The following MMP24 variants were observed in gnomAD, a reference collection of about 807,000 sequenced individuals.
The protein encoded by MMP24 is matrix metallopeptidase 24.
MMP24 carries 25 observed loss-of-function variants against 62.8 expected under a neutral mutation model. The ratio of observed to expected loss-of-function variants is 0.40; its 90% CI spans 0.29 to 0.56. MMP24 has a LOEUF of 0.56. Ranked by LOEUF, MMP24 falls within the 20% of genes least tolerant of loss-of-function variation. The pLI is 0.50. For synonymous variants in MMP24, 319 were observed against 350.5 expected (o/e 0.91, Z 1.00); for missense variants, 634 against 853.6 (o/e 0.74, Z 3.21).
At chr20:35,236,830 C>G (rs1190537648) in intron 1 of MMP24, among the ~76,000 whole-genome samples, 1 of 151,868 alleles carries the variant, frequency 6.6e-6, no homozygotes, top group African/African-American at 2.4e-5. Flanking sequence ...AAAAATTAGC[C>G]GGGCATGGTG....
intron 6 of MMP24, 98 bp downstream of exon 6, chr20:35,267,517 A>G (rs2060642603): frequency 7.8e-7 from 1 of 1,279,966 alleles, no homozygotes; most frequent in Non-Finnish European, 1.1e-6. Context: ...TTGGGATTCG[A>G]TTACAATGGG....
At position 35,239,441 on chromosome 20, in the gene MMP24, TG is replaced by T. The variant is rs2060478213; in HGVS notation, c.247-7397del. ...TCTTTTAGCCCTAGCACACAGTACT[TG>T]GTACATAGTAGGTCCTCAATAAATA... On this transcript the variant is annotated intron_variant, in intron 1 of 8. Coordinates refer to ENST00000246186, the MANE Select transcript of MMP24 (RefSeq NM_006690.4). 2.6e-5 allele frequency among the ~76,000 whole-genome samples: 4 copies of T among 152,276 alleles called. No individual in the cohort carries two copies. The South Asian group carries it at 8.3e-4, about 32-fold the overall frequency.
In MMP24 at chr20:35,271,858, T is replaced by A; in HGVS notation, c.1600+23T>A. ...GATGTACGTAAGGGCCGGGCCAGGG[T>A]GGGCATGGGGAGCCGGTTTTATGTG... On this transcript the variant is annotated intron_variant, in intron 8 of 8. Transcript: ENST00000246186. This position sits in a 1 kb window ranked among gnomAD's most constrained non-coding sequence, Gnocchi z 4.0. 6.3e-7 allele frequency: 1 copy of A among 1,595,976 alleles called. No individual in the cohort carries two copies. The highest frequency in any genetic ancestry group is 8.5e-7 in the Non-Finnish European group (1 of 1,172,306).
rs928851782 is a variant in MMP24 at position 35,271,211 on chromosome 20, G to A, written c.1334-358G>A. Among the ~76,000 whole-genome samples, 57 of 152,310 alleles carry A rather than the reference G, an allele frequency of 3.7e-4. No homozygotes were observed. The highest frequency in any genetic ancestry group is 3.5e-3 in the Admixed American group (54 of 15,296). ...GCCAATGCAGAGCTGCCGGTAGGCCGAGGGAGGTCAGGGTTTCTGGCTCTG... is the reference window on the plus strand; with the variant it reads ...GCCAATGCAGAGCTGCCGGTAGGCCAAGGGAGGTCAGGGTTTCTGGCTCTG... On this transcript the variant is annotated intron_variant, in intron 7 of 8. Coordinates refer to ENST00000246186, the MANE Select transcript of MMP24 (RefSeq NM_006690.4). The surrounding 1 kb of genome is among the most constrained non-coding windows in gnomAD (Gnocchi z 4.0).
intron 6 of MMP24, among the ~76,000 whole-genome samples, chr20:35,268,208 C>CTGGA (rs1183557494): frequency 6.6e-6 from 1 of 152,196 alleles, no homozygotes; most frequent in Admixed American, 6.5e-5. Context: ...CATTCAATCA[C>CTGGA]TGGATGAGGA....
At chr20:35,248,035 T>C (rs1215169594) in intron 2 of MMP24, among the ~76,000 whole-genome samples, 4 of 152,114 alleles carry the variant, frequency 2.6e-5, no homozygotes, top group South Asian at 2.1e-4. Context: ...AGAAAAGCCA[T>C]TCACATCATT....
intron 2 of MMP24, among the ~76,000 whole-genome samples, chr20:35,250,136 T>C (rs2060536982): frequency 2.0e-5 from 3 of 152,022 alleles, no homozygotes; most frequent in Admixed American, 1.3e-4. Context: ...GTATCTTTAG[T>C]AGAGATAGGG....
chr20:35,274,418 C>A lies in MMP24; in HGVS notation c.1747C>A (p.Pro583Thr), dbSNP rs1325704985. ...EVERRKERRL[P>T]QDDVDIMVTI... ...GGAGCGGCGGAAGGAGCGGCGGCTG[C>A]CCCAGGACGACGTGGACATCATGGT... The change falls in exon 9 of 9, where the codon CCC becomes ACC. Residue 583 changes from proline to threonine, a missense_variant. Pro to Thr is a conservative substitution (Grantham distance 38, BLOSUM62 -1). This residue lies in a region of MMP24 where 399 missense variants were observed against 530.8 expected (regional missense o/e 0.75). Transcript: ENST00000246186. The surrounding 1 kb of genome is among the most constrained non-coding windows in gnomAD (Gnocchi z 5.1). 6.2e-7 allele frequency: 1 copy of A among 1,613,776 alleles called. No homozygotes were observed. Among genetic ancestry groups the A allele is most frequent in the Non-Finnish European group, 8.5e-7 (1 of 1,179,886 alleles).
At chr20:35,257,548 C>T (rs190271450) in intron 4 of MMP24, among the ~76,000 whole-genome samples, 17 of 152,288 alleles carry the variant, frequency 1.1e-4, no homozygotes, top group East Asian at 7.7e-4. Flanking sequence ...CCAGAGGCAA[C>T]GGGAAGACAC....
At chr20:35,248,422 C>T (rs2060527228) in intron 2 of MMP24, among the ~76,000 whole-genome samples, 1 of 151,574 alleles carries the variant, frequency 6.6e-6, no homozygotes, top group African/African-American at 2.4e-5. Context: ...TCTCCTGCCT[C>T]AGCCTCCCAA....
chr20:35,247,664 A>G (rs570240053), intron 2 of MMP24, among the ~76,000 whole-genome samples: 1 of 152,308 alleles, frequency 6.6e-6, no homozygotes, highest in South Asian at 2.1e-4. Context: ...GGGCAGCCGG[A>G]GGGCAAGAAG....
intron 1 of MMP24, among the ~76,000 whole-genome samples, chr20:35,236,640 TAACCA>T (rs1370237931): frequency 1.3e-5 from 2 of 151,972 alleles, no homozygotes; most frequent in Non-Finnish European, 2.9e-5. Flanking sequence ...CTGGCAGCAA[TAACCA>T]AACGTGGTGG....
chr20:35,242,314 A>G (rs191552271), intron 1 of MMP24, among the ~76,000 whole-genome samples: 1 of 152,324 alleles, frequency 6.6e-6, no homozygotes, highest in East Asian at 1.9e-4. Context: ...CCTGGGCAAC[A>G]GAGTGAGACT....
intron 1 of MMP24, among the ~76,000 whole-genome samples, chr20:35,232,921 T>A (rs1600770823): frequency 1.3e-5 from 2 of 152,306 alleles, no homozygotes; most frequent in East Asian, 3.9e-4. Context: ...TTCTGGCTGC[T>A]GGCTCCTGCC....
At chr20:35,236,200 G>A (rs2060462287) in intron 1 of MMP24, 1 of 150,610 alleles carries the variant, frequency 6.6e-6, no homozygotes, top group Non-Finnish European at 1.5e-5. Flanking sequence ...GGCTGTAAGT[G>A]AAGAAAAAAA....
chr20:35,250,604 T>C (rs1300073177), intron 2 of MMP24, among the ~76,000 whole-genome samples: 2 of 150,324 alleles, frequency 1.3e-5, no homozygotes, highest in Non-Finnish European at 3.0e-5. Flanking sequence ...TACCTGAAAC[T>C]GGGTAATTTA....
At position 35,276,034 on chromosome 20, in the gene MMP24, A is replaced by C. The variant is rs2060703568; in HGVS notation, c.*1425A>C. 2.5e-6 allele frequency: 1 copy of C among 398,402 alleles called. No homozygotes were observed. Among genetic ancestry groups the C allele is most frequent in the Non-Finnish European group, 4.4e-6 (1 of 226,110 alleles). 24.7% of individuals were successfully genotyped at this position (398,402 alleles called of 1,614,324 possible). A position where few individuals can be genotyped will look rare whatever the true frequency, so the allele number is the denominator to read the frequency against. ...TCAATGCCCACTGGCTCTCTGCCAA[A>C]GCCAAAAAGGTGTCAGGCAGTCTCC... On this transcript the variant is annotated 3_prime_UTR_variant, in exon 9 of 9. Transcript: ENST00000246186.
chr20:35,274,618 G>C lies in MMP24; in HGVS notation c.*9G>C. 2 of 1,589,234 alleles carry C rather than the reference G, an allele frequency of 1.3e-6. No individual in the cohort carries two copies. The highest frequency in any genetic ancestry group is 1.7e-6 in the Non-Finnish European group (2 of 1,166,590). Reference sequence around the variant, plus strand: ...TCCAGGAATGGGTGTGAGCAGCCCAGAGCCCTCTCTATCCACTTGGTCTGG... The same window carrying C: ...TCCAGGAATGGGTGTGAGCAGCCCACAGCCCTCTCTATCCACTTGGTCTGG... On this transcript the variant is annotated 3_prime_UTR_variant, in exon 9 of 9. Transcript: ENST00000246186. The surrounding 1 kb of genome is among the most constrained non-coding windows in gnomAD (Gnocchi z 5.1).
chr20:35,233,186 C>G (rs575316529), intron 1 of MMP24, among the ~76,000 whole-genome samples: 28 of 152,118 alleles, frequency 1.8e-4, no homozygotes, highest in Non-Finnish European at 3.2e-4. Context: ...GTATAAAGAT[C>G]ATTTGAGGCC....
Sources: allele counts gnomAD v4.1 joint callset (sites outside exome capture counted in the v4.1 genomes callset), GRCh38; gene constraint gnomAD v4.1.1; regional missense constraint gnomAD v4.1.1; non-coding constraint Gnocchi (gnomAD v3.1); transcripts MANE v1.5; gene names NCBI Gene and HGNC (gene_info 2026-07-23, HGNC 2026-07-21).